The following AMPH variants were observed in gnomAD, a reference collection of about 807,000 sequenced individuals.
The protein encoded by AMPH is amphiphysin, also known as amphiphysin (Stiff-Mann syndrome with breast cancer 128kD autoantigen).
AMPH carries 49 observed loss-of-function variants against 99.1 expected under a neutral mutation model. That is an observed-to-expected ratio of 0.49 (90% CI 0.39 to 0.63). The LOEUF (loss-of-function observed/expected upper bound fraction) is 0.63. Ranked by LOEUF, AMPH falls within the 20% of genes least tolerant of loss-of-function variation. The pLI is 0.00. For missense variants in AMPH, 759 were observed against 863.4 expected, an observed-to-expected ratio of 0.88 and a Z score of 1.52; for synonymous variants, 314 against 317.3, an observed-to-expected ratio of 0.99 and a Z score of 0.11.
rs1554361945 is a variant in AMPH, at chr7:38,561,978, T to TTGTTG, written c.70-26968_70-26967insCAACA. ...CACCCAGTCTATATGTTTTTTTTTT[T>TTGTTG]TTGTTATGGCAGCCGAGGCTGACTA... On this transcript the variant is annotated intron_variant, in intron 1 of 20. Coordinates refer to ENST00000356264, the MANE Select transcript of AMPH (RefSeq NM_001635.4). 8.0e-5 allele frequency among the ~76,000 whole-genome samples: 12 copies of TTGTTG among 150,874 alleles called. No individual in the cohort carries two copies. The South Asian group carries it at 1.5e-3, about 18-fold the overall frequency.
chr7:38,573,660 C>T lies in AMPH; in HGVS notation c.70-38649G>A, dbSNP rs190457570. Among the ~76,000 whole-genome samples the T allele has an allele frequency of 2.4e-3, 369 of 152,244 alleles. 1 individual carries two copies. Among genetic ancestry groups the T allele is most frequent in the Middle Eastern group, 6.8e-3 (2 of 294 alleles). On this transcript the variant is annotated intron_variant, in intron 1 of 20. Coordinates refer to ENST00000356264, the MANE Select transcript of AMPH (RefSeq NM_001635.4). ...TCTATCAGCCCTCTGTGGTTTTTTG[C>T]ACTGATTGCATGCTTAGGGAGACTC... is the stretch of plus-strand genomic sequence containing the variant.
chr7:38,552,641 G>A (rs1791218825), intron 1 of AMPH, among the ~76,000 whole-genome samples: 2 of 152,008 alleles, frequency 1.3e-5, no homozygotes, highest in African/African-American at 4.8e-5. Flanking sequence ...TATAATCCCT[G>A]CCAGGTGTAT....
chr7:38,598,352 C>G (rs1483565474), intron 1 of AMPH, among the ~76,000 whole-genome samples: 2 of 152,050 alleles, frequency 1.3e-5, no homozygotes, highest in African/African-American at 2.4e-5. Context: ...GGCATGATCT[C>G]AGCGCAGTGG....
At chr7:38,429,406 C>G in intron 14 of AMPH, 1 of 1,292,234 alleles carries the variant, frequency 7.7e-7, no homozygotes, top group Non-Finnish European at 1.0e-6. Flanking sequence ...GCAGAGTCTT[C>G]TCCAAACCCA....
chr7:38,513,407 G>A (rs534122896), intron 2 of AMPH, among the ~76,000 whole-genome samples: 1 of 152,290 alleles, frequency 6.6e-6, no homozygotes, highest in African/African-American at 2.4e-5. Context: ...GGGAAGTCTA[G>A]CTGAAAATGG....
At chr7:38,513,713 A>G (rs1789629189) in intron 2 of AMPH, among the ~76,000 whole-genome samples, 1 of 152,158 alleles carries the variant, frequency 6.6e-6, no homozygotes, top group African/African-American at 2.4e-5. Context: ...AATCCTTTTG[A>G]TAAAGATTTG....
chr7:38,426,998 C>A lies in AMPH; in HGVS notation c.1183-12G>T. 5 of 1,610,140 alleles carry A rather than the reference C, an allele frequency of 3.1e-6. No homozygotes were observed. The highest frequency in any genetic ancestry group is 4.2e-6 in the Non-Finnish European group (5 of 1,176,948). ...GAACCACCAGAAGCCTAAACAGAAA[C>A]GAAAATCAGATTGTGTTATTATTTT... On this transcript the variant is annotated splice_polypyrimidine_tract_variant and intron_variant, in intron 14 of 20. Transcript: ENST00000356264.
Position 38,439,159 on chromosome 7 carries a change from T to C in AMPH, c.1018-2771A>G, listed in dbSNP as rs541896779. The stretch of plus-strand genomic sequence containing the variant: ...CTTGCTTCCCCATAACCTTCTGCCA[T>C]GATTGAAAGTTTCCAGAGGCCTCCC... On this transcript the variant is annotated intron_variant, in intron 11 of 20. Coordinates refer to ENST00000356264, the MANE Select transcript of AMPH (RefSeq NM_001635.4). Among the ~76,000 whole-genome samples, 19 of 152,326 alleles carry C rather than the reference T, an allele frequency of 1.2e-4. 1 individual carries two copies. The South Asian group carries it at 2.7e-3, about 22-fold the overall frequency.
At chr7:38,546,541 C>G (rs1791003011) in intron 1 of AMPH, among the ~76,000 whole-genome samples, 1 of 152,064 alleles carries the variant, frequency 6.6e-6, no homozygotes, top group Admixed American at 6.6e-5. Flanking sequence ...GATACAAAAC[C>G]TGCAGGAATT....
At chr7:38,447,781 C>T (rs1243648707) in intron 11 of AMPH, among the ~76,000 whole-genome samples, 1 of 151,480 alleles carries the variant, frequency 6.6e-6, no homozygotes, top group African/African-American at 2.4e-5. Flanking sequence ...CACACACACC[C>T]ATACACAAAA....
intron 2 of AMPH, among the ~76,000 whole-genome samples, chr7:38,505,227 G>A (rs1049552733): frequency 1.4e-4 from 21 of 152,158 alleles, no homozygotes; most frequent in Non-Finnish European, 2.6e-4. Context: ...TATGCTTGAC[G>A]GCAAAAGGGA....
intron 1 of AMPH, among the ~76,000 whole-genome samples, chr7:38,552,421 A>G (rs1213678168): frequency 2.6e-5 from 4 of 152,210 alleles, no homozygotes; most frequent in African/African-American, 9.7e-5. Flanking sequence ...CCATAGGAGT[A>G]ATTATTTTAA....
intron 5 of AMPH, among the ~76,000 whole-genome samples, chr7:38,481,249 C>CT (rs965092026): frequency 6.6e-6 from 1 of 151,906 alleles, no homozygotes; most frequent in African/African-American, 2.4e-5. Context: ...CACACATTAG[C>CT]TTTTTTTAAT....
At chr7:38,388,938 CCAG>C (rs1429374602) in intron 20 of AMPH, among the ~76,000 whole-genome samples, 2 of 152,176 alleles carry the variant, frequency 1.3e-5, no homozygotes, top group Non-Finnish European at 2.9e-5. Context: ...GCCACCCTGC[CCAG>C]CAGATTATTG....
intron 2 of AMPH, among the ~76,000 whole-genome samples, chr7:38,520,778 A>G (rs1789926741): frequency 1.3e-5 from 2 of 152,216 alleles, no homozygotes; most frequent in Admixed American, 1.3e-4. Flanking sequence ...CAGTCAAATC[A>G]TATGGAAGTA....
At position 38,437,639 on chromosome 7, in the gene AMPH, A is replaced by AAAAAAAAAAGAAAAG. The variant is rs765494380; in HGVS notation, c.1018-1252_1018-1251insCTTTTCTTTTTTTTT. Among the ~76,000 whole-genome samples the AAAAAAAAAAGAAAAG allele has an allele frequency of 1.8e-4, 17 of 96,724 alleles. No homozygotes were observed. In the East Asian group the frequency reaches 2.1e-3, roughly 12 times the overall value. The allele number at this position is 96,724 out of a possible 152,430, so 63.5% of individuals were successfully genotyped here. On this transcript the variant is annotated intron_variant, in intron 11 of 20. Transcript: ENST00000356264. ...TACTAAAAATACAAAAAAAAAAAAA[A>AAAAAAAAAAGAAAAG]AAAAGAAAAGAAAAATTAGTTGGGC...
chr7:38,593,678 G>C (rs1792942155), intron 1 of AMPH, among the ~76,000 whole-genome samples: 1 of 152,160 alleles, frequency 6.6e-6, no homozygotes, highest in South Asian at 2.1e-4. Flanking sequence ...CATGTATGGG[G>C]CACCCACTGA....
intron 2 of AMPH, among the ~76,000 whole-genome samples, chr7:38,521,285 C>G (rs1051993262): frequency 2.6e-5 from 4 of 152,130 alleles, no homozygotes; most frequent in Non-Finnish European, 5.9e-5. Context: ...CTTTGGGAGG[C>G]CAAGGCAGGT....
intron 1 of AMPH, among the ~76,000 whole-genome samples, chr7:38,627,408 G>A (rs916494747): frequency 5.0e-5 from 4 of 80,800 alleles, no homozygotes; most frequent in African/African-American, 1.0e-4. Flanking sequence ...AAAATTAGCC[G>A]GACGTGGTGG....
Sources: allele counts gnomAD v4.1 joint callset (sites outside exome capture counted in the v4.1 genomes callset), GRCh38; gene constraint gnomAD v4.1.1; transcripts MANE v1.5; gene names NCBI Gene and HGNC (gene_info 2026-07-23, HGNC 2026-07-21).